The following FGF13 variants were observed in gnomAD, a reference collection of about 807,000 sequenced individuals.
FGF13 encodes the protein fibroblast growth factor homologous factor 2.
FGF13 carries 2 observed loss-of-function variants against 19.5 expected under a neutral mutation model. That is an observed-to-expected ratio of 0.10 (90% CI 0.04 to 0.32). The LOEUF (loss-of-function observed/expected upper bound fraction) is 0.32, where lower values mean the gene tolerates loss of function less well. Among genes scored for constraint, FGF13 ranks in the 10% least tolerant of loss-of-function variants. The pLI is 1.00. For synonymous variants in FGF13, 72 were observed against 76.9 expected (o/e 0.94, Z 0.33); for missense variants, 113 against 192.7 (o/e 0.59, Z 2.45).
intron 1 of FGF13, among the ~76,000 whole-genome samples, chrX:138,880,437 C>A (rs980051887): frequency 4.5e-5 from 5 of 111,570 alleles, no homozygotes; most frequent in Admixed American, 3.8e-4. Context: ...AACCCAAATG[C>A]CCACCAATGA....
chrX:139,090,968 T>A (rs1377777182), intron 1 of FGF13, among the ~76,000 whole-genome samples: 8 of 95,213 alleles, frequency 8.4e-5, no homozygotes. Context: ...AAAAAAAGAC[T>A]GTGTACAGTG....
intron 3 of FGF13, among the ~76,000 whole-genome samples, chrX:138,751,233 C>A (rs2090395823): frequency 9.0e-6 from 1 of 111,323 alleles, no homozygotes; most frequent in African/African-American, 3.3e-5. Context: ...CCCTCTATTG[C>A]CCCATTGCCA....
chrX:138,649,504 GC>G lies in FGF13; in HGVS notation c.403-13850del, dbSNP rs1311712058. On this transcript the variant is annotated intron_variant, in intron 3 of 4. Coordinates refer to ENST00000315930, the MANE Select transcript of FGF13 (RefSeq NM_004114.5). The stretch of plus-strand genomic sequence containing the variant: ...CAGATATACATTCTTTTCCTCTCCT[GC>G]CCAAGTTATGTCTCTGGGGGTAGGG... Among the ~76,000 whole-genome samples the G allele has an allele frequency of 9.0e-5, 10 of 111,442 alleles. No individual in the cohort carries two copies. The East Asian group carries it at 2.8e-3, about 32-fold the overall frequency.
intron 3 of FGF13, among the ~76,000 whole-genome samples, chrX:138,665,428 G>C (rs2089531982): frequency 9.0e-6 from 1 of 111,505 alleles, no homozygotes; most frequent in African/African-American, 3.3e-5. Context: ...GAGATAGTAG[G>C]GGAGCTGTTT....
intron 1 of FGF13, among the ~76,000 whole-genome samples, chrX:138,894,883 C>T (rs1199690763): frequency 8.9e-6 from 1 of 111,959 alleles, no homozygotes; most frequent in African/African-American, 3.2e-5. Context: ...AGACCAATAT[C>T]CCTGATGAAC....
At chrX:139,119,528 C>T (rs970554112) in intron 1 of FGF13, among the ~76,000 whole-genome samples, 4 of 111,310 alleles carry the variant, frequency 3.6e-5, no homozygotes, top group Non-Finnish European at 5.7e-5. Flanking sequence ...GTGGCTGAGC[C>T]GGTATTCAAA....
chrX:138,621,717 AAAGAG>A lies in FGF13; in HGVS notation c.*11128_*11132del, dbSNP rs754922160. 13 of 111,608 alleles carry A rather than the reference AAAGAG, an allele frequency of 1.2e-4. No homozygotes were observed. The highest frequency in any genetic ancestry group is 1.7e-4 in the Non-Finnish European group (9 of 53,040). The allele number at this position is 111,608 out of a possible 1,213,427, so 9.2% of individuals were successfully genotyped here. On this transcript the variant is annotated 3_prime_UTR_variant, in exon 5 of 5. Transcript: ENST00000315930. ...CCTTTAGCTAGAGTAACTGAGAGTG[AAAGAG>A]AAAAGACATAAACAAATAAAATCAG...
At chrX:138,794,655 G>A (rs1019932552) in intron 3 of FGF13, among the ~76,000 whole-genome samples, 14 of 111,251 alleles carry the variant, frequency 1.3e-4, no homozygotes, top group Admixed American at 5.7e-4. Flanking sequence ...TTATTTAGTC[G>A]CGGAGAACAT....
chrX:138,871,096 T>C (rs1668112516), intron 1 of FGF13, among the ~76,000 whole-genome samples: 1 of 112,155 alleles, frequency 8.9e-6, no homozygotes, highest in Admixed American at 9.4e-5. Context: ...AGAAAACAAA[T>C]GAAATGTTCA....
chrX:138,729,491 C>CA (rs755397817), intron 1 of FGF13, among the ~76,000 whole-genome samples: 5 of 108,332 alleles, frequency 4.6e-5, no homozygotes, highest in Non-Finnish European at 9.6e-5. Flanking sequence ...AGAAAACAGT[C>CA]AAAAAAAATT....
At chrX:139,201,621 G>C (rs1344811332) in intron 1 of FGF13, among the ~76,000 whole-genome samples, 1 of 112,062 alleles carries the variant, frequency 8.9e-6, no homozygotes, top group Non-Finnish European at 1.9e-5. Context: ...AAAAATTAAA[G>C]ATGACCTATA....
At chrX:138,646,948 A>G (rs2089313586) in intron 3 of FGF13, among the ~76,000 whole-genome samples, 1 of 110,693 alleles carries the variant, frequency 9.0e-6, no homozygotes, top group African/African-American at 3.3e-5. Context: ...AATTCTATAA[A>G]CCTGTGGACT....
chrX:138,762,545 G>A (rs2090475090), intron 3 of FGF13, among the ~76,000 whole-genome samples: 1 of 111,318 alleles, frequency 9.0e-6, no homozygotes, highest in African/African-American at 3.3e-5. Context: ...CATTTAGGAC[G>A]TTATGGGCTT....
rs751989110 is a variant in FGF13, at chrX:138,616,868, T to C, written c.*15982A>G. On this transcript the variant is annotated 3_prime_UTR_variant, in exon 5 of 5. Transcript: ENST00000315930. The stretch of plus-strand genomic sequence containing the variant: ...TTGGGGATTGCACTCTCTGAAACAA[T>C]GGCCTGAGCTGTATGTTGGCCCCTT... The C allele has an allele frequency of 8.9e-6, 1 of 112,111 alleles. No homozygotes were observed. Among genetic ancestry groups the C allele is most frequent in the South Asian group, 3.7e-4 (1 of 2,696 alleles). The allele number at this position is 112,111 out of a possible 1,213,427, so 9.2% of individuals were successfully genotyped here. A position where few individuals can be genotyped will look rare whatever the true frequency, so the allele number is the denominator to read the frequency against.
intron 1 of FGF13, among the ~76,000 whole-genome samples, chrX:138,967,490 T>A (rs896626910): frequency 1.8e-5 from 2 of 111,416 alleles, no homozygotes; most frequent in Non-Finnish European, 3.8e-5. Context: ...GGTCTTCCAA[T>A]GTTACAGAAA....
At chrX:138,699,724 T>C (rs182014751) in intron 3 of FGF13, among the ~76,000 whole-genome samples, 28 of 112,487 alleles carry the variant, frequency 2.5e-4, no homozygotes, top group Non-Finnish European at 4.5e-4. Flanking sequence ...GCTGTTATTT[T>C]CTAACATTAT....
chrX:138,939,563 C>A (rs1015884468), intron 1 of FGF13, among the ~76,000 whole-genome samples: 2 of 111,058 alleles, frequency 1.8e-5, no homozygotes, highest in Admixed American at 1.9e-4. Context: ...TATCCTCTCC[C>A]TCCTCCCAAC....
At chrX:138,645,413 T>G (rs2089296250) in intron 3 of FGF13, among the ~76,000 whole-genome samples, 1 of 112,299 alleles carries the variant, frequency 8.9e-6, no homozygotes, top group South Asian at 3.7e-4. Context: ...CCTATTTGTG[T>G]GCCCTGGCCC....
At chrX:139,111,156 TG>T (rs1337797753) in intron 1 of FGF13, among the ~76,000 whole-genome samples, 2 of 112,070 alleles carry the variant, frequency 1.8e-5, no homozygotes, top group East Asian at 5.6e-4. Flanking sequence ...GGAGAGTAAA[TG>T]CATCCCAGCT....
Sources: gnomAD v4.1 joint callset for allele counts (sites outside exome capture counted in the v4.1 genomes callset) on GRCh38, gnomAD v4.1.1 for gene constraint, MANE v1.5 for transcripts, NCBI Gene and HGNC (gene_info 2026-07-23, HGNC 2026-07-21) for gene names.